The following SOX5 variants were observed in gnomAD, a reference collection of about 807,000 sequenced individuals.
SOX5 encodes the protein SRY-box transcription factor 5.
A neutral mutation model predicts 92.0 loss-of-function variants in SOX5; 9 were observed. That is an observed-to-expected ratio of 0.10 (90% CI 0.06 to 0.17). The LOEUF (loss-of-function observed/expected upper bound fraction) is 0.17, where lower values mean the gene tolerates loss of function less well. Among genes scored for constraint, SOX5 ranks in the 10% least tolerant of loss-of-function variants. The probability of loss-of-function intolerance (pLI) is 1.00; values close to 1 mark genes in which losing one functional copy is unlikely to be tolerated. For synonymous variants in SOX5, 344 were observed against 336.3 expected, an observed-to-expected ratio of 1.02 and a Z score of -0.25; for missense variants, 642 against 944.5, an observed-to-expected ratio of 0.68 and a Z score of 4.20.
intron 4 of SOX5, among the ~76,000 whole-genome samples, chr12:24,112,721 A>C (rs1947517318): frequency 1.3e-5 from 2 of 150,596 alleles, no homozygotes; most frequent in South Asian, 4.2e-4. Flanking sequence ...TCTTTTTGAG[A>C]GAAGGGGTTT....
chr12:23,802,455 A>G (rs2095678714), intron 3 of SOX5, among the ~76,000 whole-genome samples: 1 of 152,120 alleles, frequency 6.6e-6, no homozygotes, highest in Non-Finnish European at 1.5e-5. Context: ...ATGCACAATG[A>G]GACTTAAATT....
chr12:23,582,213 A>G (rs1157124000), intron 9 of SOX5: 1 of 985,002 alleles, frequency 1.0e-6, no homozygotes, highest in Non-Finnish European at 1.2e-6. Context: ...TTCTACCTCT[A>G]TGGACTGTGG....
chr12:24,260,098 A>C (rs947944431), intron 3 of SOX5, among the ~76,000 whole-genome samples: 1 of 152,214 alleles, frequency 6.6e-6, no homozygotes, highest in African/African-American at 2.4e-5. Context: ...GTAAGATGGG[A>C]ATGGTATGAG....
intron 1 of SOX5, among the ~76,000 whole-genome samples, chr12:24,426,618 A>G (rs983595414): frequency 1.3e-5 from 2 of 152,210 alleles, no homozygotes; most frequent in Non-Finnish European, 2.9e-5. Flanking sequence ...GAAAGCATGG[A>G]AGTTGCTGTC....
At chr12:24,173,413 T>C (rs908858735) in intron 4 of SOX5, among the ~76,000 whole-genome samples, 3 of 152,178 alleles carry the variant, frequency 2.0e-5, no homozygotes, top group Non-Finnish European at 2.9e-5. Flanking sequence ...GCTGGTCTCA[T>C]TGACTCTTTC....
At chr12:24,428,652 C>T (rs995241497) in intron 1 of SOX5, among the ~76,000 whole-genome samples, 13 of 131,228 alleles carry the variant, frequency 9.9e-5, no homozygotes, top group African/African-American at 3.7e-4. Flanking sequence ...GCCTGTAGTC[C>T]TAGCTACTCT....
intron 2 of SOX5, among the ~76,000 whole-genome samples, chr12:24,281,483 G>A (rs1945193063): frequency 6.6e-6 from 1 of 152,128 alleles, no homozygotes; most frequent in Non-Finnish European, 1.5e-5. Context: ...TTCTACGGCT[G>A]GGCCGCCCTG....
chr12:23,651,756 C>G (rs1336440825), intron 7 of SOX5, among the ~76,000 whole-genome samples: 1 of 151,762 alleles, frequency 6.6e-6, no homozygotes, highest in Non-Finnish European at 1.5e-5. Context: ...AGCCTATGAG[C>G]TGAAATGCCT....
intron 6 of SOX5, among the ~76,000 whole-genome samples, chr12:23,705,043 A>G (rs1236898188): frequency 2.0e-5 from 3 of 151,968 alleles, no homozygotes; most frequent in African/African-American, 7.2e-5. Context: ...CTTTTCAAAT[A>G]TGAGGCAGAA....
chr12:24,546,843 A>G (rs925351892), intron 1 of SOX5, among the ~76,000 whole-genome samples: 5 of 152,220 alleles, frequency 3.3e-5, no homozygotes, highest in African/African-American at 1.2e-4. Context: ...CGCCCTGGAT[A>G]TGCCACATAC....
intron 6 of SOX5, among the ~76,000 whole-genome samples, chr12:23,696,937 C>T (rs1045770519): frequency 6.6e-6 from 1 of 151,962 alleles, no homozygotes; most frequent in Admixed American, 6.5e-5. Flanking sequence ...TAATTTAATT[C>T]CATTTTGATC....
intron 4 of SOX5, among the ~76,000 whole-genome samples, chr12:24,114,502 G>T (rs1947746960): frequency 7.4e-6 from 1 of 135,694 alleles, no homozygotes; most frequent in Non-Finnish European, 1.5e-5. Context: ...CTTGAGCCTG[G>T]GAAGTGGAGG....
chr12:24,424,811 G>GA (rs1015255886), intron 1 of SOX5, among the ~76,000 whole-genome samples: 4 of 149,322 alleles, frequency 2.7e-5, no homozygotes, highest in African/African-American at 7.6e-5. Context: ...TTTTTTTTGG[G>GA]GGGGGGGGAT....
chr12:23,874,283 A>C (rs2096904338), intron 2 of SOX5, among the ~76,000 whole-genome samples: 1 of 152,206 alleles, frequency 6.6e-6, no homozygotes, highest in South Asian at 2.1e-4. Flanking sequence ...TTTATGCCTA[A>C]TAAATTGGCA....
chr12:23,970,841 A>ATATATTTTTTTT lies in SOX5; in HGVS notation c.-1-74818_-1-74817insAAAAAAAATATA. 7.8e-4 allele frequency among the ~76,000 whole-genome samples: 17 copies of ATATATTTTTTTT among 21,884 alleles called. 4 individuals carry two copies. The highest frequency in any genetic ancestry group is 1.4e-3 in the Non-Finnish European group (14 of 9,706). 14.4% of individuals were successfully genotyped at this position (21,884 alleles called of 152,430 possible). On this transcript the variant is annotated intron_variant, in intron 4 of 4. Coordinates refer to the SOX5 transcript ENST00000446891. ...ACATGGGACTTTATATATATATATA[A>ATATATTTTTTTT]TTTTTTTTTTTTTTTAAGAAATGGG...
chr12:24,136,922 T>G (rs1950157731), intron 4 of SOX5, among the ~76,000 whole-genome samples: 1 of 152,238 alleles, frequency 6.6e-6, no homozygotes, highest in Admixed American at 6.5e-5. Flanking sequence ...TAATGTCTAC[T>G]ACACTATAAA....
intron 1 of SOX5, among the ~76,000 whole-genome samples, chr12:24,554,270 A>G (rs1280190283): frequency 6.6e-6 from 1 of 152,202 alleles, no homozygotes; most frequent in South Asian, 2.1e-4. Flanking sequence ...GCCAGCAACT[A>G]TGGAAGGTAT....
At chr12:24,358,054 G>T (rs1394274575) in intron 2 of SOX5, among the ~76,000 whole-genome samples, 1 of 152,060 alleles carries the variant, frequency 6.6e-6, no homozygotes, top group East Asian at 1.9e-4. Context: ...ACAGTGTGTG[G>T]CACGTAACGG....
At chr12:24,337,919 C>T (rs1952089120) in intron 2 of SOX5, among the ~76,000 whole-genome samples, 1 of 151,314 alleles carries the variant, frequency 6.6e-6, no homozygotes, top group Admixed American at 6.6e-5. Flanking sequence ...CATGGAATCA[C>T]AATGTGACAC....
Sources: gnomAD v4.1 joint callset for allele counts (sites outside exome capture counted in the v4.1 genomes callset) on GRCh38, gnomAD v4.1.1 for gene constraint, MANE v1.5 for transcripts, NCBI Gene and HGNC (gene_info 2026-07-23, HGNC 2026-07-21) for gene names.